LATS1: variants seen among roughly 807,000 people sequenced by gnomAD.
LATS1 encodes large tumor suppressor kinase 1.
In LATS1, 25 loss-of-function variants were observed where a neutral mutation model predicts 106.6. The observed-to-expected ratio is 0.23, with a 90% confidence interval of 0.17 to 0.33. The LOEUF is 0.33. Among genes scored for constraint, LATS1 ranks in the 10% least tolerant of loss-of-function variants. The probability of loss-of-function intolerance (pLI) is 1.00; values close to 1 mark genes in which losing one functional copy is unlikely to be tolerated. For missense variants in LATS1, 1,040 were observed against 1,382.6 expected (o/e 0.75, Z 3.93); for synonymous variants, 465 against 455.6 (o/e 1.02, Z -0.26).
Position 149,685,465 on chromosome 6 carries a change from A to G in LATS1, c.497-873T>C, listed in dbSNP as rs142004945. ...GAGTGCAGTGGCACAGACTCACTGC[A>G]ACCTCCGTCTCCCGGGTTCAAGTAA... is the stretch of plus-strand genomic sequence containing the variant. On this transcript the variant is annotated intron_variant, in intron 3 of 7. Coordinates refer to ENST00000543571, the MANE Select transcript of LATS1 (RefSeq NM_004690.4). Among the ~76,000 whole-genome samples, 226 of 152,234 alleles carry G rather than the reference A, an allele frequency of 1.5e-3. 1 individual carries two copies. The highest frequency in any genetic ancestry group is 5.3e-3 in the African/African-American group (221 of 41,574).
In LATS1 at chr6:149,663,726, TAC is replaced by T. The variant is rs1020188576; in HGVS notation, c.2884-1490_2884-1489del. ...AACCCTTTTTGGAAAAAAAAAATGATACAGTTAATAATAGTTATTTATGCTTC... is the reference window on the plus strand; with the variant it reads ...AACCCTTTTTGGAAAAAAAAAATGATAGTTAATAATAGTTATTTATGCTTC... On this transcript the variant is annotated intron_variant, in intron 7 of 7. Coordinates refer to ENST00000543571, the MANE Select transcript of LATS1 (RefSeq NM_004690.4). Among the ~76,000 whole-genome samples the T allele has an allele frequency of 5.3e-5, 8 of 152,054 alleles. No homozygotes were observed. In the East Asian group the frequency reaches 5.8e-4, roughly 11 times the overall value.
rs1190166511 is a variant in LATS1 at position 149,659,956 on chromosome 6, T to C, written c.*1773A>G. On this transcript the variant is annotated 3_prime_UTR_variant, in exon 8 of 8. Transcript: ENST00000543571. ...GAGAGGCATTCATAAGGTCACCTTA[T>C]ATCACATGCTACAGACCTTTTCCAT... The C allele has an allele frequency of 1.3e-5, 3 of 231,326 alleles. No homozygotes were observed. Among genetic ancestry groups the C allele is most frequent in the South Asian group, 1.8e-4 (1 of 5,526 alleles). 14.3% of individuals were successfully genotyped at this position (231,326 alleles called of 1,614,324 possible). A position where few individuals can be genotyped will look rare whatever the true frequency, so the allele number is the denominator to read the frequency against.
chr6:149,704,231 G>T (rs535866635), intron 1 of LATS1, among the ~76,000 whole-genome samples: 1 of 152,194 alleles, frequency 6.6e-6, no homozygotes, highest in East Asian at 1.9e-4. Flanking sequence ...TCGGACTCCC[G>T]ACCTCAGGTG....
chr6:149,680,894 CT>C (rs1391615033), intron 4 of LATS1, among the ~76,000 whole-genome samples: 1 of 152,010 alleles, frequency 6.6e-6, no homozygotes, highest in East Asian at 1.9e-4. Context: ...AAAAAAAATT[CT>C]TCCACTCCAG....
At chr6:149,708,475 C>A (rs189374772) in intron 1 of LATS1, among the ~76,000 whole-genome samples, 4 of 151,254 alleles carry the variant, frequency 2.6e-5, no homozygotes, top group Non-Finnish European at 5.9e-5. Context: ...ATCTCAAAAA[C>A]GCTGAAATGG....
intron 1 of LATS1, among the ~76,000 whole-genome samples, chr6:149,703,643 T>A (rs1319246052): frequency 6.6e-6 from 1 of 152,080 alleles, no homozygotes; most frequent in African/African-American, 2.4e-5. Context: ...AAGGGAGGAC[T>A]GCTTGAGCTC....
intron 7 of LATS1, among the ~76,000 whole-genome samples, chr6:149,668,443 ATTTTT>A (rs199871796): frequency 6.8e-6 from 1 of 146,136 alleles, no homozygotes; most frequent in Non-Finnish European, 1.5e-5. Flanking sequence ...TCTCATCTTG[ATTTTT>A]TTTTTTTTTA....
At chr6:149,713,429 G>C (rs1335529991) in intron 1 of LATS1, among the ~76,000 whole-genome samples, 1 of 151,198 alleles carries the variant, frequency 6.6e-6, no homozygotes, top group African/African-American at 2.4e-5. Context: ...CAAGTAGCTG[G>C]GATTACAGGA....
intron 2 of LATS1, among the ~76,000 whole-genome samples, chr6:149,698,273 T>C (rs1783217601): frequency 6.6e-6 from 1 of 151,372 alleles, no homozygotes; most frequent in South Asian, 2.1e-4. Context: ...AGACAGGGTC[T>C]TGCTCTGTTG....
chr6:149,716,549 C>T (rs1784405155), intron 1 of LATS1: 1 of 151,996 alleles, frequency 6.6e-6, no homozygotes, highest in South Asian at 2.1e-4. Flanking sequence ...AGTTCCAACA[C>T]TATTTATATA....
At chr6:149,694,025 G>A (rs1782926927) in intron 3 of LATS1, among the ~76,000 whole-genome samples, 1 of 152,110 alleles carries the variant, frequency 6.6e-6, no homozygotes, top group Admixed American at 6.6e-5. Context: ...GGGATGCAGA[G>A]GTTGCAGTGA....
At chr6:149,715,078 T>G (rs961592340) in intron 1 of LATS1, among the ~76,000 whole-genome samples, 4 of 152,088 alleles carry the variant, frequency 2.6e-5, no homozygotes, top group African/African-American at 9.7e-5. Context: ...TCTTTATTTC[T>G]TTATTTATTT....
At position 149,717,249 on chromosome 6, in the gene LATS1, A is replaced by G. The variant is rs531388762; in HGVS notation, c.-141+600T>C. 3.1e-4 allele frequency among the ~76,000 whole-genome samples: 47 copies of G among 152,324 alleles called. No individual in the cohort carries two copies. The South Asian group carries it at 7.2e-3, about 23-fold the overall frequency. Reference sequence around the variant, plus strand: ...TCATCTGAGGCATTCATTGAGCTACAAGCTATTTCAGGTTATAAAAAACAC... The same window carrying G: ...TCATCTGAGGCATTCATTGAGCTACGAGCTATTTCAGGTTATAAAAAACAC... On this transcript the variant is annotated intron_variant, in intron 1 of 7. Coordinates refer to ENST00000543571, the MANE Select transcript of LATS1 (RefSeq NM_004690.4).
chr6:149,708,351 G>T (rs1341305779), intron 1 of LATS1, among the ~76,000 whole-genome samples: 11 of 150,826 alleles, frequency 7.3e-5, no homozygotes, highest in African/African-American at 9.8e-5. Context: ...AGAGGCAGAG[G>T]TTGCAGTGAG....
chr6:149,710,792 T>C (rs1784046791), intron 1 of LATS1, among the ~76,000 whole-genome samples: 1 of 152,240 alleles, frequency 6.6e-6, no homozygotes, highest in African/African-American at 2.4e-5. Context: ...AGGAGTTTGG[T>C]AAAGAGGATT....
Position 149,702,271 on chromosome 6 carries a change from AAAAG to A in LATS1, c.-140-9_-140-6del, listed in dbSNP as rs372892848. 55 of 571,324 alleles carry A rather than the reference AAAAG, an allele frequency of 9.6e-5. No homozygotes were observed. The highest frequency in any genetic ancestry group is 4.5e-4 in the Middle Eastern group (1 of 2,200). 35.4% of individuals were successfully genotyped at this position (571,324 alleles called of 1,614,324 possible). A position where few individuals can be genotyped will look rare whatever the true frequency, so the allele number is the denominator to read the frequency against. ...TTACAATATAAATAATTAACTCTGT[AAAAG>A]AAAGAAAGAAAGGAAAGCTATAAAG... On this transcript the variant is annotated splice_polypyrimidine_tract_variant and splice_region_variant and intron_variant, in intron 1 of 7. Coordinates refer to ENST00000543571, the MANE Select transcript of LATS1 (RefSeq NM_004690.4).
In LATS1 at chr6:149,658,633, TAA is replaced by T. The variant is rs1252909115; in HGVS notation, c.*3094_*3095del. 1 of 152,148 alleles carries T rather than the reference TAA, an allele frequency of 6.6e-6. No individual in the cohort carries two copies. The highest frequency in any genetic ancestry group is 1.9e-4 in the East Asian group (1 of 5,200). The allele number at this position is 152,148 out of a possible 1,614,324, so 9.4% of individuals were successfully genotyped here. A position where few individuals can be genotyped will look rare whatever the true frequency, so the allele number is the denominator to read the frequency against. On this transcript the variant is annotated 3_prime_UTR_variant, in exon 8 of 8. Coordinates refer to ENST00000543571, the MANE Select transcript of LATS1 (RefSeq NM_004690.4). ...CTGTATTCTCTAATTTCTAACACAT[TAA>T]GTCAGAATAAAACAATTCCACTCAC...
chr6:149,702,677 A>G (rs1225059067), intron 1 of LATS1, among the ~76,000 whole-genome samples: 2 of 151,708 alleles, frequency 1.3e-5, no homozygotes, highest in Admixed American at 1.3e-4. Context: ...TTATTTTTTT[A>G]TTTTTATTTT....
chr6:149,698,342 G>C (rs1266975776), intron 2 of LATS1, among the ~76,000 whole-genome samples: 3 of 150,314 alleles, frequency 2.0e-5, no homozygotes, highest in Non-Finnish European at 4.4e-5. Context: ...TCCTGGGTTT[G>C]AGTGATCCTC....
Sources: allele counts gnomAD v4.1 joint callset (sites outside exome capture counted in the v4.1 genomes callset), GRCh38; gene constraint gnomAD v4.1.1; transcripts MANE v1.5; gene names NCBI Gene and HGNC (gene_info 2026-07-23, HGNC 2026-07-21).